The following COQ7 variants were observed in gnomAD, a reference collection of about 807,000 sequenced individuals.
COQ7 encodes coenzyme Q7, hydroxylase, also known as NADPH-dependent 3-demethoxyubiquinone 3-hydroxylase, mitochondrial.
A neutral mutation model predicts 25.0 loss-of-function variants in COQ7; 21 were observed. The observed-to-expected ratio is 0.84, with a 90% CI of 0.60 to 1.21. COQ7 has a LOEUF of 1.21. Ranked by LOEUF, COQ7 falls within the 50% of genes most tolerant of loss-of-function variation. COQ7 has a pLI of 0.00. For synonymous variants in COQ7, 125 were observed against 112.4 expected (o/e 1.11, Z -0.71); for missense variants, 311 against 296.2 (o/e 1.05, Z -0.37).
In COQ7 at chr16:19,076,363, A is replaced by G. The variant is rs1326619871; in HGVS notation, c.507+503A>G. Among the ~76,000 whole-genome samples the G allele has an allele frequency of 2.0e-5, 3 of 149,736 alleles. No homozygotes were observed. In the East Asian group the frequency reaches 5.9e-4, roughly 30 times the overall value. On this transcript the variant is annotated intron_variant, in intron 4 of 5. Coordinates refer to ENST00000321998, the MANE Select transcript of COQ7 (RefSeq NM_016138.5). ...TCTCTCCTCAGCTTCCCAAAGTGCTAGAATTATAGGCATGAACCACCACAT... is the reference window on the plus strand; with the variant it reads ...TCTCTCCTCAGCTTCCCAAAGTGCTGGAATTATAGGCATGAACCACCACAT...
downstream of COQ7, among the ~76,000 whole-genome samples, chr16:19,081,158 T>C (rs1963091781): frequency 6.6e-6 from 1 of 152,226 alleles, no homozygotes; most frequent in Non-Finnish European, 1.5e-5. Flanking sequence ...TTTTAACAAT[T>C]GAGTAAGGTA....
intron 3 of COQ7, 37 bp downstream of exon 3, chr16:19,074,072 G>T (rs1486552401): frequency 1.0e-5 from 15 of 1,458,992 alleles, no homozygotes; most frequent in Non-Finnish European, 1.3e-5. Flanking sequence ...GCAAGCTTGG[G>T]GATCTAGGAT....
In COQ7 at chr16:19,078,661, C is replaced by CAGTTAG. The variant is rs1467470382; in HGVS notation, c.*505_*506insTTAGAG. On this transcript the variant is annotated 3_prime_UTR_variant, in exon 6 of 6. Transcript: ENST00000321998. Reference sequence around the variant, plus strand: ...TAGAGGCGAAGTCTCACTATGTCGCCAGGCTGGTCTCTAACTCCTGGGCTC... The same window carrying CAGTTAG: ...TAGAGGCGAAGTCTCACTATGTCGCCAGTTAGAGGCTGGTCTCTAACTCCTGGGCTC... 2.0e-5 allele frequency: 3 copies of CAGTTAG among 151,936 alleles called. No homozygotes were observed. The highest frequency in any genetic ancestry group is 4.4e-5 in the Non-Finnish European group (3 of 68,014). 9.4% of individuals were successfully genotyped at this position (151,936 alleles called of 1,614,324 possible).
intron 1 of COQ7, chr16:19,068,511 G>T (rs1048773082): frequency 2.1e-6 from 1 of 465,358 alleles, no homozygotes; most frequent in Non-Finnish European, 2.8e-6. Flanking sequence ...AATTTGCCAG[G>T]CGTGATGGCA....
Position 19,079,370 on chromosome 16 carries a change from ACCTTTT to A in COQ7, c.*1217_*1222del, listed in dbSNP as rs1963024264. ...GGATTATTTGTGAAATTGAATTACA[ACCTTTT>A]CCTTAAGGTCTTTTACCACCTCCCC... On this transcript the variant is annotated 3_prime_UTR_variant, in exon 6 of 6. Transcript: ENST00000321998. 6.6e-6 allele frequency: 1 copy of A among 151,980 alleles called. No homozygotes were observed. The highest frequency in any genetic ancestry group is 6.6e-5 in the Admixed American group (1 of 15,236). The allele number at this position is 151,980 out of a possible 1,614,324, so 9.4% of individuals were successfully genotyped here.
intron 4 of COQ7, among the ~76,000 whole-genome samples, chr16:19,076,532 C>T (rs1962849301): frequency 6.6e-6 from 1 of 151,204 alleles, no homozygotes; most frequent in Non-Finnish European, 1.5e-5. Context: ...TCTGCCTCGG[C>T]CTCCCAAAGT....
intron 4 of COQ7, among the ~76,000 whole-genome samples, chr16:19,076,348 G>A (rs925853081): frequency 4.7e-5 from 7 of 149,052 alleles, no homozygotes; most frequent in African/African-American, 1.7e-4. Flanking sequence ...TCTCTCCTCA[G>A]CTTCCCAAAG....
In COQ7 at chr16:19,076,674, C is replaced by T. The variant is rs534995957; in HGVS notation, c.508-632C>T. ...CAGTGGTCTCCGCCTGCATTGCAGC[C>T]TCCGCCTCCCGGGTTCCAGCGATTC... On this transcript the variant is annotated intron_variant, in intron 4 of 5. Coordinates refer to ENST00000321998, the MANE Select transcript of COQ7 (RefSeq NM_016138.5). Among the ~76,000 whole-genome samples, 9 of 150,702 alleles carry T rather than the reference C, an allele frequency of 6.0e-5. No homozygotes were observed. In the East Asian group the frequency reaches 9.8e-4, roughly 16 times the overall value.
chr16:19,079,805 C>T lies in COQ7; in HGVS notation c.*1647C>T, dbSNP rs1963046042. 6.6e-6 allele frequency: 1 copy of T among 152,172 alleles called. No homozygotes were observed. Among genetic ancestry groups the T allele is most frequent in the African/African-American group, 2.4e-5 (1 of 41,426 alleles). 9.4% of individuals were successfully genotyped at this position (152,172 alleles called of 1,614,324 possible). Reference sequence around the variant, plus strand: ...TCTGGCTTTGAAGGGTAGTGGACACCAGGATCCTTTGGATTAATCCTCTGC... The same window carrying T: ...TCTGGCTTTGAAGGGTAGTGGACACTAGGATCCTTTGGATTAATCCTCTGC... On this transcript the variant is annotated 3_prime_UTR_variant, in exon 6 of 6. Transcript: ENST00000321998.
In COQ7 at chr16:19,078,427, TA is replaced by T. The variant is rs1962974902; in HGVS notation, c.*270del. ...TTTGGTCTCATACTTAATTTTCTTT[TA>T]TATACATGTTTTTCTTTTACATGCA... On this transcript the variant is annotated 3_prime_UTR_variant, in exon 6 of 6. Transcript: ENST00000321998. The T allele has an allele frequency of 4.3e-6, 1 of 232,234 alleles. No individual in the cohort carries two copies. Among genetic ancestry groups the T allele is most frequent in the Non-Finnish European group, 8.2e-6 (1 of 121,754 alleles). The allele number at this position is 232,234 out of a possible 1,614,324, so 14.4% of individuals were successfully genotyped here.
Position 19,074,251 on chromosome 16 carries a change from C to T in COQ7, c.367+216C>T, listed in dbSNP as rs141712440. On this transcript the variant is annotated intron_variant, in intron 3 of 5. Transcript: ENST00000321998. ...CAGTACTTTAAAAAAAAAGGCCGGG[C>T]GTGATGGCTCACACCTGTAATCCCA... Among the ~76,000 whole-genome samples the T allele has an allele frequency of 5.6e-3, 845 of 151,776 alleles. 8 individuals carry two copies. Among genetic ancestry groups the T allele is most frequent in the African/African-American group, 0.02 (820 of 41,390 alleles).
intron 1 of COQ7, 193 bp from the exon 2 acceptor site, chr16:19,071,735 A>G: frequency 1.6e-6 from 1 of 612,104 alleles, no homozygotes; most frequent in Non-Finnish European, 2.8e-6. Context: ...CTTAAAGTGA[A>G]ACCAGAAATC....
chr16:19,081,712 T>G (rs530301570), downstream of COQ7, among the ~76,000 whole-genome samples: 10 of 152,356 alleles, frequency 6.6e-5, no homozygotes, highest in African/African-American at 2.2e-4. Flanking sequence ...AGACTAAAGT[T>G]TATTTTGCAA....
chr16:19,069,408 C>CT (rs1596818931), intron 1 of COQ7, among the ~76,000 whole-genome samples: 1 of 118,902 alleles, frequency 8.4e-6, no homozygotes, highest in East Asian at 2.8e-4. Flanking sequence ...CTGATTATTG[C>CT]CTTTTTTTTT....
intron 1 of COQ7, chr16:19,068,030 G>A (rs2142350238): frequency 1.6e-6 from 2 of 1,285,234 alleles, no homozygotes; most frequent in South Asian, 2.1e-5. Context: ...GTTCCGAGTC[G>A]AGGACAGTTG....
chr16:19,067,766 G>A (rs754519648), intron 1 of COQ7, 29 bp downstream of exon 1: 6 of 1,590,500 alleles, frequency 3.8e-6, no homozygotes, highest in South Asian at 1.1e-5. Context: ...TCACAGTCCT[G>A]CGCCGGTCTA....
At position 19,071,951 on chromosome 16, in the gene COQ7, A is replaced by C. The variant is rs569115789; in HGVS notation, c.97A>C (p.Arg33=). The C allele has an allele frequency of 1.1e-5, 18 of 1,614,262 alleles. No individual in the cohort carries two copies. In the East Asian group the frequency reaches 3.3e-4, roughly 30 times the overall value. Residue 33 remains arginine (R), a synonymous_variant, in exon 2 of 6, where the codon AGA becomes CGA. Coordinates refer to ENST00000321998, the MANE Select transcript of COQ7 (RefSeq NM_016138.5). The part of the protein sequence containing the change: ...LSAYGRRTSV[R]FRSSGMTLDN... ...AGCTTATGGAAGAAGAACCAGTGTC[A>C]GATTTCGCAGTTCAGGAATGACTTT...
intron 1 of COQ7, chr16:19,069,004 A>T (rs1962406647): frequency 2.9e-6 from 1 of 339,754 alleles, no homozygotes. Context: ...CCAGCTGTAA[A>T]TGGAGTTATC....
At chr16:19,076,977 AT>A (rs2142393506) in intron 4 of COQ7, among the ~76,000 whole-genome samples, 1 of 152,338 alleles carries the variant, frequency 6.6e-6, no homozygotes, top group East Asian at 1.9e-4. Flanking sequence ...TCCTGAGATA[AT>A]TTTCCACAGC....
Sources: allele counts gnomAD v4.1 joint callset (sites outside exome capture counted in the v4.1 genomes callset), GRCh38; gene constraint gnomAD v4.1.1; transcripts MANE v1.5; gene names NCBI Gene and HGNC (gene_info 2026-07-23, HGNC 2026-07-21).